PGBD2: variants seen among roughly 807,000 people sequenced by gnomAD.
PGBD2 encodes the protein piggyBac transposable element derived 2.
In PGBD2, 6 loss-of-function variants were observed where a neutral mutation model predicts 8.1. That is an observed-to-expected ratio of 0.74 (90% CI 0.40 to 1.46). PGBD2 has a LOEUF of 1.46. Among genes scored for constraint, PGBD2 ranks in the 40% most tolerant of loss-of-function variants. PGBD2 has a pLI of 0.02. For synonymous variants in PGBD2, 318 were observed against 272.2 expected (o/e 1.17, Z -1.66); for missense variants, 802 against 739.0 (o/e 1.09, Z -0.99).
chr1:248,878,321 G>C, the PGBD2 span, among the ~76,000 whole-genome samples: 1 of 151,946 alleles, frequency 6.6e-6, no homozygotes, highest in Non-Finnish European at 1.5e-5. Context: ...CTGGGACTAC[G>C]GGGCCCGCCA....
the PGBD2 span, among the ~76,000 whole-genome samples, chr1:248,898,281 T>G: frequency 4.6e-5 from 7 of 152,170 alleles, no homozygotes; most frequent in African/African-American, 4.8e-5. Context: ...CCTGACTGAA[T>G]GAGACCTCCC....
chr1:248,913,049 G>T lies in PGBD2; in HGVS notation c.-47-767G>T, dbSNP rs973323910. ...ACTCCCGACCTCAGGTGATCTGCCC[G>T]CCTCGGCCTCCCAAAGTGCTGGGAT... On this transcript the variant is annotated intron_variant, in intron 1 of 2. Transcript: ENST00000329291. Among the ~76,000 whole-genome samples the T allele has an allele frequency of 2.0e-5, 3 of 152,122 alleles. 1 individual carries two copies. Among genetic ancestry groups the T allele is most frequent in the South Asian group, 4.2e-4 (2 of 4,808 alleles).
At chr1:248,928,475 C>T in the PGBD2 span, among the ~76,000 whole-genome samples, 1 of 152,180 alleles carries the variant, frequency 6.6e-6, no homozygotes, top group African/African-American at 2.4e-5. Flanking sequence ...GACCCAAATG[C>T]TTCTGTTTCT....
Position 248,917,984 on chromosome 1 carries a change from A to T in PGBD2, c.1400A>T (p.Asp467Val). Residue 467 changes from aspartate to valine, a missense_variant, in exon 3 of 3, where the codon GAT (aspartate) becomes GTT (valine). Transcript: ENST00000329291. ...QEKVGGVGRMDQNIAKYKVKI... is the reference protein window; with the variant it reads ...QEKVGGVGRMVQNIAKYKVKI... ...AAGGTGGGTGGCGTTGGTAGGATGGATCAGAATATTGCCAAGTACAAGGTG... is the reference window on the plus strand; with the variant it reads ...AAGGTGGGTGGCGTTGGTAGGATGGTTCAGAATATTGCCAAGTACAAGGTG... 1 of 1,614,156 alleles carries T rather than the reference A, an allele frequency of 6.2e-7. No homozygotes were observed. The highest frequency in any genetic ancestry group is 8.5e-7 in the Non-Finnish European group (1 of 1,180,008).
In PGBD2 at chr1:248,918,303, G is replaced by A; in HGVS notation, c.1719G>A (p.Arg573=). The A allele has an allele frequency of 6.3e-7, 1 of 1,592,912 alleles. No homozygotes were observed. The highest frequency in any genetic ancestry group is 8.6e-7 in the Non-Finnish European group (1 of 1,169,272). ...TCTGCCACTCACAGACCAACACCCG[G>A]TGTGAGAAGTGCCAGAAGGGTGTCC... ...CALCHSQTNT[R]CEKCQKGVHA... Residue 573 remains arginine (R), a synonymous_variant, in exon 3 of 3, where the codon CGG becomes CGA. Coordinates refer to ENST00000329291, the MANE Select transcript of PGBD2 (RefSeq NM_170725.3).
At position 248,918,964 on chromosome 1, in the gene PGBD2, A is replaced by C. The variant is rs1662221739; in HGVS notation, c.*601A>C. ...AAATTATTTTTTTAATTTTGTGGGT[A>C]CATAGTAGGAGTGTATTTTTATGGG... On this transcript the variant is annotated 3_prime_UTR_variant, in exon 3 of 3. Transcript: ENST00000329291. The C allele has an allele frequency of 6.0e-6, 1 of 167,052 alleles. No homozygotes were observed. Among genetic ancestry groups the C allele is most frequent in the African/African-American group, 2.4e-5 (1 of 41,452 alleles). The allele number at this position is 167,052 out of a possible 1,614,324, so 10.3% of individuals were successfully genotyped here.
chr1:248,892,296 T>C, the PGBD2 span, among the ~76,000 whole-genome samples: 2 of 124,356 alleles, frequency 1.6e-5, no homozygotes, highest in Admixed American at 8.9e-5. Flanking sequence ...CCTTCCTTCC[T>C]TCCCTTCCTT....
the PGBD2 span, among the ~76,000 whole-genome samples, chr1:248,893,141 T>C: frequency 6.6e-6 from 1 of 152,198 alleles, no homozygotes; most frequent in Non-Finnish European, 1.5e-5. Context: ...CATAGGTGCA[T>C]ACTCATGTTA....
At chr1:248,884,371 C>T in the PGBD2 span, among the ~76,000 whole-genome samples, 4 of 151,628 alleles carry the variant, frequency 2.6e-5, no homozygotes, top group African/African-American at 9.7e-5. Flanking sequence ...GACAGAGTCT[C>T]GCTCTGTAGC....
chr1:248,878,772 G>A, the PGBD2 span, among the ~76,000 whole-genome samples: 1 of 152,074 alleles, frequency 6.6e-6, no homozygotes, highest in South Asian at 2.1e-4. Flanking sequence ...AATTATTTTA[G>A]AAGCTCCATA....
the PGBD2 span, among the ~76,000 whole-genome samples, chr1:248,928,058 T>G: frequency 4.6e-5 from 7 of 151,962 alleles, no homozygotes; most frequent in Non-Finnish European, 1.0e-4. Context: ...TGTTTTTTGT[T>G]TGTTTTTTGT....
chr1:248,890,800 C>T, the PGBD2 span, among the ~76,000 whole-genome samples: 1 of 151,198 alleles, frequency 6.6e-6, no homozygotes, highest in Non-Finnish European at 1.5e-5. Context: ...ACACACGCAC[C>T]ACACACCACA....
At chr1:248,888,249 A>G in the PGBD2 span, among the ~76,000 whole-genome samples, 2 of 152,180 alleles carry the variant, frequency 1.3e-5, no homozygotes, top group Admixed American at 1.3e-4. Flanking sequence ...TTGGTAGAAC[A>G]ATATATTTAC....
chr1:248,916,085 C>T (rs896152471), intron 2 of PGBD2, among the ~76,000 whole-genome samples: 10 of 152,150 alleles, frequency 6.6e-5, no homozygotes, highest in Admixed American at 2.0e-4. Flanking sequence ...CCGTTTATTC[C>T]GTCTCCCATT....
the PGBD2 span, among the ~76,000 whole-genome samples, chr1:248,877,710 A>T: frequency 6.6e-6 from 1 of 152,230 alleles, no homozygotes; most frequent in Non-Finnish European, 1.5e-5. Context: ...GGATGCAGTC[A>T]TTATCTTGAG....
In PGBD2 at chr1:248,917,200, G is replaced by T. The variant is rs776326576; in HGVS notation, c.616G>T (p.Asp206Tyr). The stretch of plus-strand genomic sequence containing the variant: ...AAGGATGTTCTGGGAAACCTCTCCC[G>T]ATTCACATCATCATCTTGTGGCTGA... ...RRRMFWETSPDSHHHLVADAI... is the reference protein window; with the variant it reads ...RRRMFWETSPYSHHHLVADAI... The change falls in exon 3 of 3, where the codon GAT becomes TAT. Residue 206 changes from aspartate (D) to tyrosine (Y), a missense_variant. Transcript: ENST00000329291. The T allele has an allele frequency of 3.1e-5, 50 of 1,613,946 alleles. No homozygotes were observed. The highest frequency in any genetic ancestry group is 4.2e-5 in the Non-Finnish European group (50 of 1,180,032).
At chr1:248,912,703 A>G (rs889012255) in intron 1 of PGBD2, 3 of 152,094 alleles carry the variant, frequency 2.0e-5, no homozygotes, top group Non-Finnish European at 4.4e-5. Context: ...AATATGGAAC[A>G]CTTACGAATT....
At chr1:248,926,524 A>G in the PGBD2 span, among the ~76,000 whole-genome samples, 12 of 152,132 alleles carry the variant, frequency 7.9e-5, no homozygotes, top group Non-Finnish European at 1.5e-4. Flanking sequence ...TGACTTTGAA[A>G]GCTTCTTTTG....
the PGBD2 span, among the ~76,000 whole-genome samples, chr1:248,873,988 C>T: frequency 5.9e-5 from 9 of 152,132 alleles, no homozygotes; most frequent in Non-Finnish European, 8.8e-5. Flanking sequence ...TTTTATTCCC[C>T]GGAAGAAACC....
Sources: allele counts gnomAD v4.1 joint callset (sites outside exome capture counted in the v4.1 genomes callset), GRCh38; gene constraint gnomAD v4.1.1; transcripts MANE v1.5; gene names NCBI Gene and HGNC (gene_info 2026-07-23, HGNC 2026-07-21).